The following DEGS1 variants were observed in gnomAD, a reference collection of about 807,000 sequenced individuals.
DEGS1 encodes the protein sphingolipid delta(4)-desaturase DES1.
Under a neutral mutation model 24.1 loss-of-function variants are expected in DEGS1, and 17 were observed. That is an observed-to-expected ratio of 0.70 (90% CI 0.48 to 1.06). DEGS1 has a LOEUF of 1.06. DEGS1 is among the 50% of genes least tolerant of loss of function. The pLI is 0.00. For missense variants in DEGS1, 366 were observed against 408.9 expected, an observed-to-expected ratio of 0.90 and a Z score of 0.91; for synonymous variants, 134 against 140.0, an observed-to-expected ratio of 0.96 and a Z score of 0.30.
Position 224,189,814 on chromosome 1 carries a change from G to C in DEGS1, c.320G>C (p.Trp107Ser). The change falls in exon 2 of 3, where the codon TGG (tryptophan) becomes TCG (serine). Residue 107 changes from tryptophan to serine, a missense_variant. Physicochemically the swap from Trp to Ser is radical, Grantham distance 177 (BLOSUM62 -3). Coordinates refer to ENST00000323699, the MANE Select transcript of DEGS1 (RefSeq NM_003676.4). ...FGNCKAMWNR[W>S]FGMFANLPIG... Reference sequence around the variant, plus strand: ...AACTGCAAAGCAATGTGGAATCGCTGGTTTGGAATGTTTGCTAATCTTCCT... The same window carrying C: ...AACTGCAAAGCAATGTGGAATCGCTCGTTTGGAATGTTTGCTAATCTTCCT... 6.2e-7 allele frequency: 1 copy of C among 1,614,148 alleles called. No homozygotes were observed. Among genetic ancestry groups the C allele is most frequent in the South Asian group, 1.1e-5 (1 of 91,082 alleles).
intron 2 of DEGS1, among the ~76,000 whole-genome samples, chr1:224,190,826 G>A (rs568407337): frequency 2.6e-5 from 4 of 152,040 alleles, no homozygotes; most frequent in South Asian, 2.1e-4. Context: ...TGGGTCAAGC[G>A]ATCCTCCCAC....
chr1:224,184,486 G>C (rs1658323778), intron 1 of DEGS1, among the ~76,000 whole-genome samples: 1 of 143,880 alleles, frequency 7.0e-6, no homozygotes, highest in African/African-American at 2.6e-5. Flanking sequence ...TGTTTTTTGA[G>C]ACTGCACGTG....
At chr1:224,188,048 G>A (rs1023169396) in intron 1 of DEGS1, among the ~76,000 whole-genome samples, 3 of 151,484 alleles carry the variant, frequency 2.0e-5, no homozygotes, top group African/African-American at 7.3e-5. Flanking sequence ...TCCTGCCTTG[G>A]CCTCTCAGAG....
At chr1:224,183,996 C>G (rs1658309531) in intron 1 of DEGS1, among the ~76,000 whole-genome samples, 1 of 152,234 alleles carries the variant, frequency 6.6e-6, no homozygotes, top group African/African-American at 2.4e-5. Context: ...GGGCCGGCGT[C>G]CCTCCATATG....
chr1:224,185,379 T>A (rs909013965), intron 1 of DEGS1, among the ~76,000 whole-genome samples: 1 of 152,192 alleles, frequency 6.6e-6, no homozygotes, highest in Non-Finnish European at 1.5e-5. Context: ...TTGCCCAAGC[T>A]GGAGTGCGGT....
rs554485215 is a variant in DEGS1 at position 224,188,350 on chromosome 1, T to C, written c.83-1227T>C. Among the ~76,000 whole-genome samples the C allele has an allele frequency of 3.9e-5, 6 of 152,350 alleles. No individual in the cohort carries two copies. The South Asian group carries it at 1.2e-3, about 32-fold the overall frequency. On this transcript the variant is annotated intron_variant, in intron 1 of 2. Coordinates refer to ENST00000323699, the MANE Select transcript of DEGS1 (RefSeq NM_003676.4). The stretch of plus-strand genomic sequence containing the variant: ...TAAGGTTCATTCATGTTATAGCATA[T>C]GTCAGTGTATGATTCCTTTTTCTGG...
chr1:224,183,452 C>G, intron 1 of DEGS1, 34 bp downstream of exon 1: 1 of 1,293,476 alleles, frequency 7.7e-7, no homozygotes, highest in Non-Finnish European at 9.9e-7. Context: ...TATGTGCGTG[C>G]GTGGCCTCCC....
intron 2 of DEGS1, among the ~76,000 whole-genome samples, chr1:224,191,974 T>C (rs1658547192): frequency 6.6e-6 from 1 of 152,288 alleles, no homozygotes; most frequent in African/African-American, 2.4e-5. Context: ...GGATCAGATG[T>C]TGCCTTTATA....
intron 1 of DEGS1, among the ~76,000 whole-genome samples, chr1:224,185,291 T>C (rs892905491): frequency 2.6e-5 from 4 of 152,170 alleles, no homozygotes; most frequent in African/African-American, 7.2e-5. Context: ...CTGCACCCGG[T>C]AACTTTGGGT....
intron 1 of DEGS1, among the ~76,000 whole-genome samples, chr1:224,184,839 G>T (rs888915475): frequency 3.3e-5 from 5 of 151,910 alleles, no homozygotes; most frequent in African/African-American, 9.7e-5. Flanking sequence ...TTTAACCTCT[G>T]TTGAGGAAAC....
At chr1:224,187,038 G>GTGGC (rs1296585965) in intron 1 of DEGS1, among the ~76,000 whole-genome samples, 9 of 152,156 alleles carry the variant, frequency 5.9e-5, no homozygotes, top group Non-Finnish European at 1.0e-4. Flanking sequence ...GCTGGGCTGG[G>GTGGC]TGGCTCATGG....
At chr1:224,190,367 T>C in intron 2 of DEGS1, 48 bp downstream of exon 2, 1 of 1,441,320 alleles carries the variant, frequency 6.9e-7, no homozygotes, top group Non-Finnish European at 9.1e-7. Context: ...TTTCATTTGT[T>C]TGTTTTTTGA....
chr1:224,189,387 CATG>C (rs1572042813), intron 1 of DEGS1, among the ~76,000 whole-genome samples, 187 bp from the exon 2 acceptor site: 1 of 152,090 alleles, frequency 6.6e-6, no homozygotes, highest in Non-Finnish European at 1.5e-5. Context: ...ATTATTGTGA[CATG>C]ATATTTCATA....
intron 1 of DEGS1, among the ~76,000 whole-genome samples, chr1:224,186,181 G>C (rs1658383688): frequency 6.6e-6 from 1 of 152,034 alleles, no homozygotes. Context: ...GGTGGCATGT[G>C]CCTGTGGTCC....
Position 224,192,420 on chromosome 1 carries a change from C to A in DEGS1, c.914C>A (p.Thr305Lys), listed in dbSNP as rs773806699. 1 of 1,613,342 alleles carries A rather than the reference C, an allele frequency of 6.2e-7. No homozygotes were observed. The highest frequency in any genetic ancestry group is 1.1e-5 in the South Asian group (1 of 90,980). ...CTGTATGATTTTGTGATGGATGATACAATAAGTCCCTACTCAAGAATGAAG... is the reference window on the plus strand; with the variant it reads ...CTGTATGATTTTGTGATGGATGATAAAATAAGTCCCTACTCAAGAATGAAG... ...KVLYDFVMDDTISPYSRMKRH... is the reference protein window; with the variant it reads ...KVLYDFVMDDKISPYSRMKRH... The change falls in exon 3 of 3, where the codon ACA becomes AAA. Residue 305 changes from threonine to lysine, a missense_variant. Physicochemically the swap from Thr to Lys is moderately conservative, Grantham distance 78. Transcript: ENST00000323699.
chr1:224,184,239 T>C, intron 1 of DEGS1, among the ~76,000 whole-genome samples: 1 of 152,342 alleles, frequency 6.6e-6, no homozygotes, highest in East Asian at 1.9e-4. Context: ...CTCCAGAGGA[T>C]TCGGGCCTTC....
intron 1 of DEGS1, among the ~76,000 whole-genome samples, chr1:224,185,199 C>T (rs1658348874): frequency 6.6e-6 from 1 of 152,134 alleles, no homozygotes; most frequent in African/African-American, 2.4e-5. Flanking sequence ...CCGTGTTGCC[C>T]AGGCTGGTCT....
At chr1:224,185,317 C>G (rs1658352211) in intron 1 of DEGS1, among the ~76,000 whole-genome samples, 1 of 152,052 alleles carries the variant, frequency 6.6e-6, no homozygotes, top group Non-Finnish European at 1.5e-5. Flanking sequence ...AATTCCCTTC[C>G]TCCTCTTCTT....
intron 1 of DEGS1, among the ~76,000 whole-genome samples, chr1:224,188,842 G>C (rs1658460175): frequency 1.3e-5 from 2 of 152,056 alleles, no homozygotes; most frequent in African/African-American, 4.8e-5. Context: ...CGATTTCTCT[G>C]TTTTCTTTTG....
Sources: gnomAD v4.1 joint callset for allele counts (sites outside exome capture counted in the v4.1 genomes callset) on GRCh38, gnomAD v4.1.1 for gene constraint, MANE v1.5 for transcripts, NCBI Gene and HGNC (gene_info 2026-07-23, HGNC 2026-07-21) for gene names.